The following ZNF676 variants were observed in gnomAD, a reference collection of about 807,000 sequenced individuals.
ZNF676 encodes zinc finger protein 676.
Under a neutral mutation model 6.0 loss-of-function variants are expected in ZNF676, and 4 were observed. That is an observed-to-expected ratio of 0.67 (90% confidence interval 0.33 to 1.53). ZNF676 has a LOEUF of 1.53. ZNF676 is among the 40% of genes most tolerant of loss of function. ZNF676 has a pLI of 0.06. For synonymous variants in ZNF676, 198 were observed against 223.1 expected (o/e 0.89, Z 1.00); for missense variants, 644 against 679.7 (o/e 0.95, Z 0.58).
At chr19:22,235,242 A>G in the ZNF676 span, among the ~76,000 whole-genome samples, 1 of 152,140 alleles carries the variant, frequency 6.6e-6, no homozygotes, top group Non-Finnish European at 1.5e-5. Context: ...TTTATTTTTC[A>G]CCGACACCTC....
the ZNF676 span, among the ~76,000 whole-genome samples, chr19:22,248,971 C>G: frequency 1.3e-5 from 2 of 152,196 alleles, no homozygotes; most frequent in Non-Finnish European, 2.9e-5. Context: ...CTCAAGTGAT[C>G]TGCCCACCTT....
the ZNF676 span, chr19:22,243,848 T>G: frequency 2.0e-5 from 3 of 152,252 alleles, no homozygotes; most frequent in Non-Finnish European, 4.4e-5. Context: ...CTTTGAACTG[T>G]GTCCACCTGT....
At chr19:22,202,841 T>C (rs1255076406) in intron 1 of ZNF676, among the ~76,000 whole-genome samples, 1 of 152,224 alleles carries the variant, frequency 6.6e-6, no homozygotes, top group African/African-American at 2.4e-5. Flanking sequence ...TGACTAGAGG[T>C]AGTTTTGCAA....
chr19:22,192,347 T>G (rs2023918446), intron 2 of ZNF676, among the ~76,000 whole-genome samples: 1 of 152,020 alleles, frequency 6.6e-6, no homozygotes, highest in Non-Finnish European at 1.5e-5. Context: ...GTCTATAGAT[T>G]CAAATAAATG....
chr19:22,215,313 AACCCAC>A (rs2024173042), intron 1 of ZNF676, among the ~76,000 whole-genome samples: 1 of 152,128 alleles, frequency 6.6e-6, no homozygotes, highest in Non-Finnish European at 1.5e-5. Context: ...CCCATTCATG[AACCCAC>A]ACCTCAAGTC....
chr19:22,238,173 TC>T, the ZNF676 span, among the ~76,000 whole-genome samples: 1 of 152,162 alleles, frequency 6.6e-6, no homozygotes, highest in African/African-American at 2.4e-5. Flanking sequence ...TGCCTCAGCC[TC>T]CTGAGTAGCT....
chr19:22,181,080 T>A lies in ZNF676; in HGVS notation c.637A>T (p.Thr213Ser), dbSNP rs1375768310. ...CCAGTATGAATTACCTTATGTTTAG[T>A]AAGGATTGAGAACTTACTAAAGGCT... is the stretch of plus-strand genomic sequence containing the variant. ...GKAFSKFSIL[T>S]KHKVIHTGEK... The change falls in exon 3 of 3, where the codon ACT (threonine) becomes TCT (serine). Residue 213 changes from threonine (T) to serine (S), a missense_variant. By Grantham distance (58) the Thr-to-Ser change is moderately conservative. Around this residue, in one of 5 missense-constraint regions of ZNF676, gnomAD observed 280 missense variants for 269.3 expected, o/e 1.04. Transcript: ENST00000397121. 2 of 1,598,916 alleles carry A rather than the reference T, an allele frequency of 1.3e-6. No individual in the cohort carries two copies. The highest frequency in any genetic ancestry group is 2.3e-5 in the East Asian group (1 of 43,764).
the ZNF676 span, among the ~76,000 whole-genome samples, chr19:22,257,985 T>C: frequency 6.6e-6 from 1 of 152,138 alleles, no homozygotes; most frequent in Non-Finnish European, 1.5e-5. Flanking sequence ...TCAAGCAATA[T>C]GTAGCAATCT....
chr19:22,210,837 G>C (rs1489833725), intron 1 of ZNF676, among the ~76,000 whole-genome samples: 1 of 152,054 alleles, frequency 6.6e-6, no homozygotes, highest in Non-Finnish European at 1.5e-5. Flanking sequence ...CTCTCAGTCC[G>C]AGCCACCATA....
chr19:22,247,439 C>T, the ZNF676 span, among the ~76,000 whole-genome samples: 4 of 152,056 alleles, frequency 2.6e-5, no homozygotes, highest in Non-Finnish European at 5.9e-5. Context: ...TGACATATGC[C>T]TGCAATCCTA....
the ZNF676 span, among the ~76,000 whole-genome samples, chr19:22,227,166 A>C: frequency 6.6e-6 from 1 of 152,232 alleles, no homozygotes; most frequent in African/African-American, 2.4e-5. Context: ...ACAGTCTCTC[A>C]TACCACAGTG....
chr19:22,194,134 G>A (rs565698437), intron 1 of ZNF676, among the ~76,000 whole-genome samples: 4 of 152,180 alleles, frequency 2.6e-5, no homozygotes, highest in Admixed American at 1.3e-4. Flanking sequence ...GCTTACCACT[G>A]GTCTGCCTTA....
the ZNF676 span, among the ~76,000 whole-genome samples, chr19:22,238,990 A>C: frequency 6.6e-6 from 1 of 152,148 alleles, no homozygotes; most frequent in East Asian, 1.9e-4. Flanking sequence ...TCACAGACAC[A>C]TCCAGGATTA....
chr19:22,258,743 G>C, the ZNF676 span, among the ~76,000 whole-genome samples: 2 of 152,140 alleles, frequency 1.3e-5, no homozygotes, highest in East Asian at 3.9e-4. Flanking sequence ...TATGGGCAAT[G>C]CCAAGTCAGG....
At chr19:22,213,001 AAAG>A (rs537546535) in intron 1 of ZNF676, among the ~76,000 whole-genome samples, 439 of 152,286 alleles carry the variant, frequency 2.9e-3, no homozygotes, top group African/African-American at 8.8e-3. Flanking sequence ...TCTCAAAAAA[AAAG>A]AAGAAGAAAA....
the ZNF676 span, among the ~76,000 whole-genome samples, chr19:22,251,367 C>T: frequency 6.6e-6 from 1 of 152,324 alleles, no homozygotes; most frequent in South Asian, 2.1e-4. Flanking sequence ...CCTGTTGTTA[C>T]ACACTAGTCT....
the ZNF676 span, among the ~76,000 whole-genome samples, chr19:22,259,205 T>C: frequency 2.6e-5 from 4 of 152,182 alleles, no homozygotes; most frequent in East Asian, 5.8e-4. Flanking sequence ...AGGGCTCAGA[T>C]GAAAGAGTCC....
chr19:22,205,640 T>C (rs2024069797), intron 1 of ZNF676, among the ~76,000 whole-genome samples: 1 of 152,126 alleles, frequency 6.6e-6, no homozygotes, highest in African/African-American at 2.4e-5. Context: ...CACCAGAATC[T>C]CTGCAATACA....
At chr19:22,210,081 A>G (rs564655029) in intron 1 of ZNF676, among the ~76,000 whole-genome samples, 11 of 152,228 alleles carry the variant, frequency 7.2e-5, no homozygotes, top group Admixed American at 7.2e-4. Flanking sequence ...CCCTGGGAGG[A>G]GACCTGGAAT....
Sources: gnomAD v4.1 joint callset for allele counts (sites outside exome capture counted in the v4.1 genomes callset) on GRCh38, gnomAD v4.1.1 for gene constraint, gnomAD v4.1.1 regional missense constraint, MANE v1.5 for transcripts, NCBI Gene and HGNC (gene_info 2026-07-23, HGNC 2026-07-21) for gene names.